The following KSR2 variants were observed in gnomAD, a reference collection of about 807,000 sequenced individuals.
KSR2 encodes kinase suppressor of ras 2.
Under a neutral mutation model 107.8 loss-of-function variants are expected in KSR2, and 25 were observed. That is an observed-to-expected ratio of 0.23 (90% confidence interval 0.17 to 0.32). The LOEUF (loss-of-function observed/expected upper bound fraction) is 0.32, where lower values mean the gene tolerates loss of function less well. KSR2 is among the 10% of genes least tolerant of loss of function. The pLI is 1.00. For missense variants in KSR2, 887 were observed against 1,268.9 expected, an observed-to-expected ratio of 0.70 and a Z score of 4.57; for synonymous variants, 480 against 507.0, an observed-to-expected ratio of 0.95 and a Z score of 0.71.
chr12:117,587,770 C>T (rs1416146794), intron 5 of KSR2, among the ~76,000 whole-genome samples: 1 of 152,108 alleles, frequency 6.6e-6, no homozygotes, highest in Non-Finnish European at 1.5e-5. Flanking sequence ...GAAACCGTAC[C>T]AACGTTGGGG....
At chr12:117,948,691 G>C (rs1199643921) in intron 1 of KSR2, among the ~76,000 whole-genome samples, 3 of 152,082 alleles carry the variant, frequency 2.0e-5, no homozygotes, top group African/African-American at 7.2e-5. Flanking sequence ...GAAAAAAATT[G>C]TACATTTAAA....
At chr12:117,794,548 AACCAACATGCACACAC>A (rs761247003) in intron 3 of KSR2, among the ~76,000 whole-genome samples, 16 of 114,032 alleles carry the variant, frequency 1.4e-4, no homozygotes, top group East Asian at 1.4e-3. Flanking sequence ...ATGCACACTC[AACCAACATGCACACAC>A]ACCAACATGC....
intron 5 of KSR2, among the ~76,000 whole-genome samples, chr12:117,640,642 T>C (rs754413808): frequency 1.3e-5 from 2 of 152,006 alleles, no homozygotes; most frequent in African/African-American, 4.8e-5. Flanking sequence ...GCACTTGAGG[T>C]TGGGCAGCAG....
intron 14 of KSR2, among the ~76,000 whole-genome samples, chr12:117,511,593 A>G (rs2051179944): frequency 6.6e-6 from 1 of 152,222 alleles, no homozygotes; most frequent in South Asian, 2.1e-4. Flanking sequence ...CATCTGTAAA[A>G]CAGGATAACG....
At chr12:117,803,137 A>C (rs1429903083) in intron 3 of KSR2, among the ~76,000 whole-genome samples, 1 of 152,194 alleles carries the variant, frequency 6.6e-6, no homozygotes, top group Non-Finnish European at 1.5e-5. Flanking sequence ...CAATGTACAG[A>C]GTTAAGTAAT....
chr12:117,786,915 G>A (rs548967634), intron 3 of KSR2, among the ~76,000 whole-genome samples: 1 of 152,166 alleles, frequency 6.6e-6, no homozygotes, highest in African/African-American at 2.4e-5. Flanking sequence ...TGTAATCCCA[G>A]CTACTCGGGA....
At chr12:117,573,524 C>T (rs199939696) in intron 7 of KSR2, among the ~76,000 whole-genome samples, 11 of 108,320 alleles carry the variant, frequency 1.0e-4, no homozygotes, top group South Asian at 3.3e-4. Context: ...CACATGTTAT[C>T]TTTTTTTTTT....
At chr12:117,474,703 T>C (rs1203361998) in intron 17 of KSR2, among the ~76,000 whole-genome samples, 1 of 152,230 alleles carries the variant, frequency 6.6e-6, no homozygotes, top group Non-Finnish European at 1.5e-5. Flanking sequence ...CTTCTCCTTC[T>C]GTACTTCCAA....
intron 1 of KSR2, among the ~76,000 whole-genome samples, chr12:117,884,982 G>C (rs557647449): frequency 6.6e-6 from 1 of 152,262 alleles, no homozygotes; most frequent in East Asian, 1.9e-4. Context: ...ACACGCAGCA[G>C]GTAACACCAG....
chr12:117,697,526 A>C (rs1026961197), intron 4 of KSR2, among the ~76,000 whole-genome samples: 1 of 152,130 alleles, frequency 6.6e-6, no homozygotes, highest in Non-Finnish European at 1.5e-5. Flanking sequence ...GCAGATCACA[A>C]AGTCAGGAGT....
At chr12:117,865,507 C>T (rs978363571) in intron 1 of KSR2, among the ~76,000 whole-genome samples, 1 of 152,086 alleles carries the variant, frequency 6.6e-6, no homozygotes, top group Admixed American at 6.6e-5. Context: ...TAATAAATGA[C>T]CATGCTTTAT....
intron 4 of KSR2, among the ~76,000 whole-genome samples, chr12:117,735,079 G>A (rs899667113): frequency 9.2e-5 from 14 of 152,080 alleles, no homozygotes; most frequent in Non-Finnish European, 2.1e-4. Context: ...CCGCAGCCTG[G>A]CCCCCATTAT....
At chr12:117,632,803 T>C (rs372477528) in intron 5 of KSR2, among the ~76,000 whole-genome samples, 4 of 152,218 alleles carry the variant, frequency 2.6e-5, no homozygotes, top group South Asian at 4.1e-4. Context: ...GGTTTTCTGT[T>C]CCTGCATTCG....
chr12:117,770,740 G>A (rs1889414882), intron 3 of KSR2, among the ~76,000 whole-genome samples: 1 of 151,818 alleles, frequency 6.6e-6, no homozygotes, highest in Non-Finnish European at 1.5e-5. Flanking sequence ...GGCCGAGGCA[G>A]GCAGATCACG....
intron 4 of KSR2, among the ~76,000 whole-genome samples, chr12:117,730,125 C>A (rs929032943): frequency 6.6e-6 from 1 of 152,086 alleles, no homozygotes; most frequent in African/African-American, 2.4e-5. Context: ...TGAATAGGTG[C>A]GGCTATGTTC....
chr12:117,598,093 G>T (rs1408902965), intron 5 of KSR2, among the ~76,000 whole-genome samples: 1 of 152,170 alleles, frequency 6.6e-6, no homozygotes, highest in East Asian at 1.9e-4. Context: ...CACCCAAGCA[G>T]TGGACATTGC....
intron 3 of KSR2, among the ~76,000 whole-genome samples, chr12:117,787,449 A>G (rs2136963088): frequency 6.6e-6 from 1 of 152,230 alleles, no homozygotes; most frequent in Admixed American, 6.5e-5. Context: ...CCTGGCCAAG[A>G]TGGTGAAACT....
At chr12:117,917,278 T>C (rs577031448) in intron 1 of KSR2, among the ~76,000 whole-genome samples, 5 of 152,204 alleles carry the variant, frequency 3.3e-5, no homozygotes, top group Non-Finnish European at 2.9e-5. Flanking sequence ...CAGTGGCTCA[T>C]GCCTGTAATC....
rs1555249524 is a variant in KSR2 at position 117,848,835 on chromosome 12, G to GTGGTGA, written c.472+6592_472+6593insTCACCA. On this transcript the variant is annotated intron_variant, in intron 3 of 19. Transcript: ENST00000339824. ...ATGGTGGTGGGTGGTGATGGTGGTA[G>GTGGTGA]TGGTGGTGATGGTGATGATGGTGAT... Among the ~76,000 whole-genome samples the GTGGTGA allele has an allele frequency of 1.5e-4, 6 of 40,180 alleles. No homozygotes were observed. The South Asian group carries it at 5.0e-3, about 34-fold the overall frequency. The allele number at this position is 40,180 out of a possible 152,430, so 26.4% of individuals were successfully genotyped here.
Sources: allele counts gnomAD v4.1 joint callset (sites outside exome capture counted in the v4.1 genomes callset), GRCh38; gene constraint gnomAD v4.1.1; transcripts MANE v1.5; gene names NCBI Gene and HGNC (gene_info 2026-07-23, HGNC 2026-07-21).